PCDHA11: variants seen among roughly 807,000 people sequenced by gnomAD.
PCDHA11 encodes protocadherin alpha-11.
A neutral mutation model predicts 70.3 loss-of-function variants in PCDHA11; 61 were observed. The observed-to-expected ratio is 0.87, with a 90% CI of 0.71 to 1.07. The LOEUF is 1.07. PCDHA11 is among the 50% of genes least tolerant of loss of function. The pLI, the probability that PCDHA11 is intolerant of heterozygous loss-of-function variation, is 0.00. For missense variants in PCDHA11, 1,324 were observed against 1,237.5 expected, an observed-to-expected ratio of 1.07 and a Z score of -1.05; for synonymous variants, 633 against 555.1, an observed-to-expected ratio of 1.14 and a Z score of -1.97.
chr5:140,922,164 A>G lies in PCDHA11; in HGVS notation c.2391+50670A>G, dbSNP rs1382732959. Among the ~76,000 whole-genome samples the G allele has an allele frequency of 2.1e-5, 3 of 145,926 alleles. No individual in the cohort carries two copies. The East Asian group carries it at 6.4e-4, about 31-fold the overall frequency. Reference sequence around the variant, plus strand: ...CATGAAACTCATCAAAAACAACAAAAAGTACAGCAGACAAAAAAAAAGTCT... The same window carrying G: ...CATGAAACTCATCAAAAACAACAAAGAGTACAGCAGACAAAAAAAAAGTCT... On this transcript the variant is annotated intron_variant, in intron 1 of 3. Transcript: ENST00000398640.
intron 3 of PCDHA11, among the ~76,000 whole-genome samples, chr5:140,991,824 A>T (rs1326935155): frequency 1.3e-5 from 2 of 152,240 alleles, no homozygotes; most frequent in Non-Finnish European, 2.9e-5. Context: ...TTAGGCATTT[A>T]TAACGGCAGA....
intron 3 of PCDHA11, among the ~76,000 whole-genome samples, chr5:140,993,088 CTA>C (rs1420227988): frequency 6.6e-6 from 1 of 152,202 alleles, no homozygotes; most frequent in Non-Finnish European, 1.5e-5. Flanking sequence ...ATCAGCAGGG[CTA>C]TGTTTATTCA....
intron 3 of PCDHA11, among the ~76,000 whole-genome samples, chr5:140,999,171 C>T (rs1482438264): frequency 1.3e-5 from 2 of 152,054 alleles, no homozygotes; most frequent in African/African-American, 4.8e-5. Context: ...AGGAAAAGAG[C>T]CTGATGGGGA....
rs73793515 is a variant in PCDHA11 at position 140,889,833 on chromosome 5, T to C, written c.2391+18339T>C. ...TCAGGTCATAAGAAGTCTTACAGTA[T>C]GCTTTGGTCTCTGAGAATATTTGTT... On this transcript the variant is annotated intron_variant, in intron 1 of 3. Coordinates refer to ENST00000398640, the MANE Select transcript of PCDHA11 (RefSeq NM_018902.5). Among the ~76,000 whole-genome samples, 1,245 of 152,254 alleles carry C rather than the reference T, an allele frequency of 8.2e-3. 11 individuals are homozygous for C. The highest frequency in any genetic ancestry group is 0.029 in the African/African-American group (1,203 of 41,548).
intron 3 of PCDHA11, among the ~76,000 whole-genome samples, chr5:140,985,090 A>C (rs1214396432): frequency 6.6e-6 from 1 of 152,076 alleles, no homozygotes; most frequent in Non-Finnish European, 1.5e-5. Context: ...GGCGTGTGCC[A>C]CCAAGCCTGG....
chr5:140,917,164 G>C (rs155804), intron 1 of PCDHA11, among the ~76,000 whole-genome samples: 48,022 of 151,994 alleles, frequency 0.32, 7,940 homozygotes, highest in East Asian at 0.52. Context: ...TATGGGAGGG[G>C]TGATGGTGGT....
At chr5:140,892,136 G>T (rs1441807118) in intron 1 of PCDHA11, among the ~76,000 whole-genome samples, 1 of 152,254 alleles carries the variant, frequency 6.6e-6, no homozygotes, top group East Asian at 1.9e-4. Flanking sequence ...TAAGCTCATG[G>T]TTTTAGCGTC....
intron 3 of PCDHA11, among the ~76,000 whole-genome samples, chr5:140,984,016 T>G (rs2153832874): frequency 6.6e-6 from 1 of 152,280 alleles, no homozygotes; most frequent in Non-Finnish European, 1.5e-5. Context: ...TATTGCCAGA[T>G]TGCAAGGGGA....
In PCDHA11 at chr5:140,869,606, T is replaced by C; in HGVS notation, c.503T>C (p.Leu168Ser). ...GCTGACATTGAAGAGAATGCTCTAT[T>C]GACCTACAGGCTAAGTAAAAATGAG... ...SDADIEENAL[L>S]TYRLSKNEYF... The change falls in exon 1 of 4, where the codon TTG becomes TCG. Residue 168 changes from leucine (L) to serine (S), a missense_variant. Leu to Ser is a moderately radical substitution (Grantham distance 145). Transcript: ENST00000398640. 4 of 1,614,026 alleles carry C rather than the reference T, an allele frequency of 2.5e-6. No homozygotes were observed. Among genetic ancestry groups the C allele is most frequent in the Non-Finnish European group, 3.4e-6 (4 of 1,179,964 alleles).
At chr5:140,916,070 G>A (rs1554197282) in intron 1 of PCDHA11, among the ~76,000 whole-genome samples, 1 of 152,130 alleles carries the variant, frequency 6.6e-6, no homozygotes, top group Non-Finnish European at 1.5e-5. Flanking sequence ...CCTGTGGCCA[G>A]TACTACCACT....
rs782564165 is a variant in PCDHA11, at chr5:141,010,450, G to A, written c.*513G>A. ...AAGAAAACAAAGACAAATAAACAGC[G>A]GAAGTTATCAGTATGGAGGGGAAGT... On this transcript the variant is annotated 3_prime_UTR_variant, in exon 4 of 4. Transcript: ENST00000398640. The A allele has an allele frequency of 6.5e-6, 6 of 920,764 alleles. No individual in the cohort carries two copies. The East Asian group carries it at 8.2e-5, about 13-fold the overall frequency. 57.0% of individuals were successfully genotyped at this position (920,764 alleles called of 1,614,324 possible).
chr5:140,887,446 C>T (rs554116341), intron 1 of PCDHA11, among the ~76,000 whole-genome samples: 1 of 152,170 alleles, frequency 6.6e-6, no homozygotes, highest in East Asian at 1.9e-4. Flanking sequence ...GCATAGTTGA[C>T]AGTTTTTTAA....
intron 3 of PCDHA11, among the ~76,000 whole-genome samples, chr5:140,986,707 A>G (rs2097210304): frequency 6.6e-6 from 1 of 152,186 alleles, no homozygotes; most frequent in Admixed American, 6.5e-5. Flanking sequence ...AGCACTGCAG[A>G]AGATAACATT....
At chr5:141,004,367 T>C (rs1281168288) in intron 3 of PCDHA11, among the ~76,000 whole-genome samples, 5 of 152,198 alleles carry the variant, frequency 3.3e-5, no homozygotes, top group Non-Finnish European at 5.9e-5. Context: ...CCACACCTTG[T>C]TCTGCTCTGC....
At chr5:140,882,646 T>C (rs1554175002) in intron 1 of PCDHA11, 1 of 1,614,112 alleles carries the variant, frequency 6.2e-7, no homozygotes, top group South Asian at 1.1e-5. Flanking sequence ...TGAGGGACAT[T>C]AACGACAACC....
At chr5:140,951,034 A>G (rs1407307131) in intron 1 of PCDHA11, among the ~76,000 whole-genome samples, 1 of 151,932 alleles carries the variant, frequency 6.6e-6, no homozygotes, top group African/African-American at 2.4e-5. Context: ...TTAATTTCAA[A>G]TATTATATTT....
intron 1 of PCDHA11, among the ~76,000 whole-genome samples, chr5:140,901,673 A>G (rs964267221): frequency 6.6e-6 from 1 of 152,056 alleles, no homozygotes; most frequent in Admixed American, 6.6e-5. Context: ...AGATACCTTT[A>G]GGTATTATGG....
Position 140,884,307 on chromosome 5 carries a change from C to T in PCDHA11, c.2391+12813C>T, listed in dbSNP as rs144612735. 3,633 of 1,613,724 alleles carry T rather than the reference C, an allele frequency of 2.3e-3. 15 individuals are homozygous for T. The highest frequency in any genetic ancestry group is 9.6e-3 in the Middle Eastern group (58 of 6,062). Reference sequence around the variant, plus strand: ...AGCGGCCAAGCGCCACAGGCTTCGTCGAGGGCGTCGGCAGGCGCTGTGGGT... The same window carrying T: ...AGCGGCCAAGCGCCACAGGCTTCGTTGAGGGCGTCGGCAGGCGCTGTGGGT... On this transcript the variant is annotated intron_variant, in intron 1 of 3. Transcript: ENST00000398640.
intron 1 of PCDHA11, chr5:140,883,984 C>T: frequency 2.5e-6 from 4 of 1,612,818 alleles, no homozygotes. Context: ...GGGCTGGCAG[C>T]GCGGGAGGCA....
Sources: gnomAD v4.1 joint callset for allele counts (sites outside exome capture counted in the v4.1 genomes callset) on GRCh38, gnomAD v4.1.1 for gene constraint, MANE v1.5 for transcripts, NCBI Gene and HGNC (gene_info 2026-07-23, HGNC 2026-07-21) for gene names.